CFH: variants seen among roughly 807,000 people sequenced by gnomAD.
CFH encodes the protein complement factor H.
A neutral mutation model predicts 147.3 loss-of-function variants in CFH; 53 were observed. The observed-to-expected ratio is 0.36, with a 90% CI of 0.29 to 0.45. CFH has a LOEUF of 0.45. Ranked by LOEUF, CFH falls within the 20% of genes least tolerant of loss-of-function variation. The pLI is 1.00. For missense variants in CFH, 1,380 were observed against 1,498.0 expected (o/e 0.92, Z 1.30); for synonymous variants, 536 against 489.4 (o/e 1.10, Z -1.26).
intron 9 of CFH, among the ~76,000 whole-genome samples, chr1:196,695,790 T>C (rs1668242285): frequency 6.6e-6 from 1 of 152,184 alleles, no homozygotes. Flanking sequence ...AGTTCACTCA[T>C]GATTTGGCTT....
At chr1:196,691,863 TAA>T (rs910248962) in intron 9 of CFH, among the ~76,000 whole-genome samples, 8 of 152,078 alleles carry the variant, frequency 5.3e-5, no homozygotes, top group South Asian at 2.1e-4. Context: ...TAAAAAGTTA[TAA>T]GTTACCTTTT....
intron 1 of CFH, among the ~76,000 whole-genome samples, chr1:196,668,026 C>A (rs903262377): frequency 6.6e-6 from 1 of 152,092 alleles, no homozygotes; most frequent in Non-Finnish European, 1.5e-5. Context: ...TTATTAAAAA[C>A]ACTATTAAAC....
rs1652786331 is a variant in CFH, at chr1:196,740,807, AT to A, written c.2956+19del. ...ATCATGCATAAGTATGGTGCATTGA[AT>A]TTTATTATATGTATGATAAATATTC... On this transcript the variant is annotated intron_variant, in intron 18 of 21. Transcript: ENST00000367429. The A allele has an allele frequency of 3.1e-6, 5 of 1,610,684 alleles. No individual in the cohort carries two copies. The East Asian group carries it at 1.1e-4, about 36-fold the overall frequency.
chr1:196,687,771 T>C (rs1162458325), intron 7 of CFH, among the ~76,000 whole-genome samples: 9 of 152,042 alleles, frequency 5.9e-5, no homozygotes, highest in Admixed American at 5.9e-4. Flanking sequence ...AGGAAAAATG[T>C]AGAATGTTAC....
chr1:196,724,299 C>T (rs565221212), intron 11 of CFH, among the ~76,000 whole-genome samples: 130 of 152,012 alleles, frequency 8.6e-4, no homozygotes, highest in African/African-American at 3.0e-3. Flanking sequence ...GCTGAGGTTC[C>T]TGGGTAGGAA....
intron 9 of CFH, among the ~76,000 whole-genome samples, chr1:196,705,188 T>C (rs1468736670): frequency 1.7e-5 from 2 of 120,948 alleles, no homozygotes; most frequent in Non-Finnish European, 3.3e-5. Context: ...CAGAATATTA[T>C]ACTGGCTTTA....
chr1:196,687,910 A>G (rs563341504), intron 7 of CFH, among the ~76,000 whole-genome samples: 6 of 152,216 alleles, frequency 3.9e-5, no homozygotes, highest in African/African-American at 1.4e-4. Context: ...AAGAAGTATC[A>G]TTCACTAGTC....
At chr1:196,679,357 T>A in intron 5 of CFH, 1 of 277,016 alleles carries the variant, frequency 3.6e-6, no homozygotes, top group Non-Finnish European at 6.9e-6. Context: ...ATTTTATTTA[T>A]ACAGTTGATG....
chr1:196,730,452 G>T (rs778654483), intron 15 of CFH, among the ~76,000 whole-genome samples: 3 of 151,718 alleles, frequency 2.0e-5, no homozygotes, highest in Non-Finnish European at 4.4e-5. Context: ...GACTTGATAT[G>T]ATTTCAGTCT....
At chr1:196,741,782 T>A (rs1652815373) in intron 18 of CFH, 93 bp from the exon 19 acceptor site, 1 of 1,171,478 alleles carries the variant, frequency 8.5e-7, no homozygotes, top group Non-Finnish European at 1.3e-6. Flanking sequence ...ATTCATTGAT[T>A]CTATATATCG....
intron 11 of CFH, among the ~76,000 whole-genome samples, chr1:196,724,443 C>A (rs896293327): frequency 2.6e-5 from 4 of 152,094 alleles, no homozygotes; most frequent in African/African-American, 9.7e-5. Flanking sequence ...TCCACTCACA[C>A]CAGTGTGTGT....
At chr1:196,732,528 T>C (rs1336795161) in intron 15 of CFH, among the ~76,000 whole-genome samples, 1 of 152,046 alleles carries the variant, frequency 6.6e-6, no homozygotes, top group African/African-American at 2.4e-5. Context: ...GATATCTTGT[T>C]TCTTTATTTT....
intron 9 of CFH, among the ~76,000 whole-genome samples, chr1:196,693,901 A>G (rs541242838): frequency 2.0e-5 from 3 of 151,974 alleles, no homozygotes; most frequent in Admixed American, 6.6e-5. Flanking sequence ...TTTTATATAA[A>G]CACAAATTTA....
At chr1:196,671,457 A>T (rs1324057829) in intron 1 of CFH, among the ~76,000 whole-genome samples, 1 of 151,830 alleles carries the variant, frequency 6.6e-6, no homozygotes, top group Non-Finnish European at 1.5e-5. Flanking sequence ...CAAAAATTTA[A>T]CTCAGAGGGA....
chr1:196,740,740 T>A lies in CFH; in HGVS notation c.2904T>A (p.Pro968=). 1 of 1,614,058 alleles carries A rather than the reference T, an allele frequency of 6.2e-7. No homozygotes were observed. Among genetic ancestry groups the A allele is most frequent in the African/African-American group, 1.3e-5 (1 of 75,050 alleles). ...TTGAAGGTTTTGGAATTGATGGGCC[T>A]GCAATTGCAAAATGCTTAGGAGAAA... ...KCFEGFGIDG[P]AIAKCLGEKW... The change falls in exon 18 of 22, where the codon CCT becomes CCA. Residue 968 remains proline, a synonymous_variant. Transcript: ENST00000367429.
chr1:196,661,112 G>C (rs1040514011), intron 1 of CFH, among the ~76,000 whole-genome samples: 2 of 152,090 alleles, frequency 1.3e-5, no homozygotes, highest in East Asian at 1.9e-4. Context: ...TAGAGTATTA[G>C]CACCATCTAG....
intron 6 of CFH, 97 bp from the exon 7 acceptor site, chr1:196,684,967 G>C: frequency 1.1e-6 from 1 of 934,628 alleles, no homozygotes; most frequent in Non-Finnish European, 1.7e-6. Flanking sequence ...TTATGCTAAG[G>C]ACAAATAAAT....
At chr1:196,659,829 A>G (rs906604877) in intron 1 of CFH, among the ~76,000 whole-genome samples, 2 of 152,130 alleles carry the variant, frequency 1.3e-5, no homozygotes, top group African/African-American at 4.8e-5. Flanking sequence ...ATAATACTCA[A>G]TACAATAATG....
chr1:196,719,110 T>C (rs1487094931), intron 11 of CFH, among the ~76,000 whole-genome samples: 2 of 152,056 alleles, frequency 1.3e-5, no homozygotes, highest in African/African-American at 2.4e-5. Context: ...ACATTTCACA[T>C]ATCTAGTACT....
Sources: gnomAD v4.1 joint callset for allele counts (sites outside exome capture counted in the v4.1 genomes callset) on GRCh38, gnomAD v4.1.1 for gene constraint, MANE v1.5 for transcripts, NCBI Gene and HGNC (gene_info 2026-07-23, HGNC 2026-07-21) for gene names.